The following DLG2 variants were observed in gnomAD, a reference collection of about 807,000 sequenced individuals.
The protein encoded by DLG2 is disks large homolog 2.
Under a neutral mutation model 132.5 loss-of-function variants are expected in DLG2, and 45 were observed. The ratio of observed to expected loss-of-function variants is 0.34; its 90% CI spans 0.27 to 0.44. DLG2 has a LOEUF of 0.44. Among genes scored for constraint, DLG2 ranks in the 20% least tolerant of loss-of-function variants. DLG2 has a pLI of 1.00. For synonymous variants in DLG2, 424 were observed against 419.6 expected (o/e 1.01, Z -0.13); for missense variants, 1,045 against 1,196.9 (o/e 0.87, Z 1.87).
rs538687835 is a variant in DLG2, at chr11:84,812,565, G to T, written c.358-277834C>A. On this transcript the variant is annotated intron_variant, in intron 6 of 27. Coordinates refer to ENST00000376104, the MANE Select transcript of DLG2 (RefSeq NM_001142699.3). ...CCATATGTGACTAGTTACCATAGCAGTCAGCTTAAGTGCATATTTTCCATA... is the reference window on the plus strand; with the variant it reads ...CCATATGTGACTAGTTACCATAGCATTCAGCTTAAGTGCATATTTTCCATA... Among the ~76,000 whole-genome samples the T allele has an allele frequency of 2.0e-5, 3 of 152,210 alleles. No homozygotes were observed. In the South Asian group the frequency reaches 6.2e-4, roughly 32 times the overall value.
intron 6 of DLG2, among the ~76,000 whole-genome samples, chr11:85,090,507 A>T (rs1425618624): frequency 1.3e-5 from 2 of 152,286 alleles, no homozygotes; most frequent in East Asian, 3.9e-4. Context: ...ATATTTTCAC[A>T]CATCTGTACT....
intron 19 of DLG2, among the ~76,000 whole-genome samples, chr11:83,554,128 C>T (rs12786162): frequency 0.044 from 6,666 of 152,092 alleles, 180 homozygotes; most frequent in South Asian, 0.11. Context: ...AAGCAATCCT[C>T]CTGCCTTGGT....
In DLG2 at chr11:83,837,723, C is replaced by CAAAAAAAAAAAAAAAAAAAAAAA. The variant is rs386374350; in HGVS notation, c.1566-3976_1566-3954dup. Among the ~76,000 whole-genome samples, 9 of 45,952 alleles carry CAAAAAAAAAAAAAAAAAAAAAAA rather than the reference C, an allele frequency of 2.0e-4. 1 individual carries two copies. Among genetic ancestry groups the CAAAAAAAAAAAAAAAAAAAAAAA allele is most frequent in the African/African-American group, 2.9e-4 (3 of 10,268 alleles). The allele number at this position is 45,952 out of a possible 152,430, so 30.1% of individuals were successfully genotyped here. A position where few individuals can be genotyped will look rare whatever the true frequency, so the allele number is the denominator to read the frequency against. On this transcript the variant is annotated intron_variant, in intron 16 of 27. Transcript: ENST00000376104. The stretch of plus-strand genomic sequence containing the variant: ...GTGCTCTGTCCAAATACATAGCAAG[C>CAAAAAAAAAAAAAAAAAAAAAAA]AAAAAAAAAAAAAAAAAAAAAAAAG...
At chr11:83,462,127 G>C in intron 26 of DLG2, 34 bp from the exon 27 acceptor site, 1 of 1,350,724 alleles carries the variant, frequency 7.4e-7, no homozygotes, top group Non-Finnish European at 1.1e-6. Flanking sequence ...AGAACATAAA[G>C]GGAATATTCC....
chr11:84,393,312 G>T (rs1005534983), intron 7 of DLG2, among the ~76,000 whole-genome samples: 1 of 152,016 alleles, frequency 6.6e-6, no homozygotes, highest in Non-Finnish European at 1.5e-5. Context: ...GAAGATATAT[G>T]TATATAAAAC....
intron 6 of DLG2, among the ~76,000 whole-genome samples, chr11:84,546,312 C>T (rs2099389695): frequency 6.6e-6 from 1 of 152,128 alleles, no homozygotes; most frequent in Admixed American, 6.5e-5. Flanking sequence ...CCTGCTCTGG[C>T]CATGTCAGTC....
intron 19 of DLG2, among the ~76,000 whole-genome samples, chr11:83,544,595 T>C (rs1304172057): frequency 6.6e-6 from 1 of 152,102 alleles, no homozygotes; most frequent in African/African-American, 2.4e-5. Flanking sequence ...CCCTCATTCA[T>C]CCTGGGAGGT....
rs191298965 is a variant in DLG2 at position 83,515,487 on chromosome 11, T to C, written c.2193+17221A>G. The stretch of plus-strand genomic sequence containing the variant: ...TTCAAAAAACAAGCTCCTGGATTCA[T>C]TGATTTTTTGAAGGGTTTTTTGTGT... On this transcript the variant is annotated intron_variant, in intron 21 of 27. Coordinates refer to ENST00000376104, the MANE Select transcript of DLG2 (RefSeq NM_001142699.3). Among the ~76,000 whole-genome samples the C allele has an allele frequency of 7.0e-3, 1,068 of 152,320 alleles. 18 individuals carry two copies. Among genetic ancestry groups the C allele is most frequent in the African/African-American group, 0.025 (1,031 of 41,580 alleles).
At chr11:85,132,030 T>G (rs1245903921) in intron 5 of DLG2, among the ~76,000 whole-genome samples, 2 of 151,432 alleles carry the variant, frequency 1.3e-5, no homozygotes, top group African/African-American at 4.9e-5. Flanking sequence ...AAATAATCAG[T>G]GATTATAAAA....
At chr11:84,267,671 C>A (rs977781760) in intron 7 of DLG2, among the ~76,000 whole-genome samples, 2 of 152,224 alleles carry the variant, frequency 1.3e-5, no homozygotes, top group Non-Finnish European at 2.9e-5. Context: ...AAGTCACAGT[C>A]CAGCCTCTCT....
At chr11:85,490,387 A>C (rs1016619277) in intron 3 of DLG2, among the ~76,000 whole-genome samples, 3 of 152,150 alleles carry the variant, frequency 2.0e-5, no homozygotes, top group Non-Finnish European at 4.4e-5. Context: ...AACTAGTTCA[A>C]GGAACTAGAA....
intron 7 of DLG2, among the ~76,000 whole-genome samples, chr11:84,309,232 C>G (rs2098263719): frequency 6.6e-6 from 1 of 152,196 alleles, no homozygotes; most frequent in African/African-American, 2.4e-5. Context: ...AAAATAATTT[C>G]TAGGGGCTCT....
chr11:83,605,007 C>CAGAGAGAGAGACAGAGAGAGAGAGAG (rs2059121950), intron 19 of DLG2, among the ~76,000 whole-genome samples: 1 of 129,834 alleles, frequency 7.7e-6, no homozygotes, highest in Admixed American at 7.5e-5. Flanking sequence ...TTTTCAAAGA[C>CAGAGAGAGAGACAGAGAGAGAGAGAG]AGAGAGAGAG....
chr11:85,034,077 GA>G (rs970039332), intron 6 of DLG2, among the ~76,000 whole-genome samples: 2 of 136,818 alleles, frequency 1.5e-5, no homozygotes, highest in East Asian at 2.1e-4. Flanking sequence ...AGATATATTA[GA>G]TTTTTTTTTT....
At chr11:85,588,053 G>A (rs1424269156) in intron 3 of DLG2, among the ~76,000 whole-genome samples, 1 of 152,168 alleles carries the variant, frequency 6.6e-6, no homozygotes, top group Non-Finnish European at 1.5e-5. Context: ...TAGGGTTTCT[G>A]CTGAGAAATC....
chr11:85,534,909 C>A (rs1405263627), intron 3 of DLG2, among the ~76,000 whole-genome samples: 1 of 152,200 alleles, frequency 6.6e-6, no homozygotes, highest in Non-Finnish European at 1.5e-5. Flanking sequence ...TTTCAGAAAT[C>A]TTCACACTGT....
chr11:84,757,995 A>G (rs929500557), intron 6 of DLG2, among the ~76,000 whole-genome samples: 1 of 152,206 alleles, frequency 6.6e-6, no homozygotes, highest in Admixed American at 6.5e-5. Context: ...ATTTAAAAGT[A>G]TCTGAGGAAT....
intron 7 of DLG2, among the ~76,000 whole-genome samples, chr11:84,423,277 C>T (rs770256251): frequency 1.9e-4 from 29 of 151,952 alleles, no homozygotes; most frequent in Admixed American, 2.6e-4. Flanking sequence ...TATATTTTAT[C>T]GCAATAAAAA....
rs529692968 is a variant in DLG2, at chr11:84,682,854, G to C, written c.358-148123C>G. Among the ~76,000 whole-genome samples the C allele has an allele frequency of 1.2e-4, 19 of 152,268 alleles. No individual in the cohort carries two copies. In the South Asian group the frequency reaches 3.7e-3, roughly 30 times the overall value. Reference sequence around the variant, plus strand: ...ACACCCTTCTTCTTGTAGGTCAGAGGAGTAGTGAGAAGAGGGTATGGGCTT... The same window carrying C: ...ACACCCTTCTTCTTGTAGGTCAGAGCAGTAGTGAGAAGAGGGTATGGGCTT... On this transcript the variant is annotated intron_variant, in intron 6 of 27. Transcript: ENST00000376104.
Sources: allele counts gnomAD v4.1 joint callset (sites outside exome capture counted in the v4.1 genomes callset), GRCh38; gene constraint gnomAD v4.1.1; transcripts MANE v1.5; gene names NCBI Gene and HGNC (gene_info 2026-07-23, HGNC 2026-07-21).